Variants in CHKA observed in about 807,000 individuals in gnomAD.
CHKA encodes choline kinase alpha, also known as CHETK-alpha.
In CHKA, 34 loss-of-function variants were observed where a neutral mutation model predicts 60.1. That is an observed-to-expected ratio of 0.57 (90% CI 0.43 to 0.75). CHKA has a LOEUF of 0.75. Among genes scored for constraint, CHKA ranks in the 30% least tolerant of loss-of-function variants. The pLI is 0.00. For synonymous variants in CHKA, 217 were observed against 223.1 expected (o/e 0.97, Z 0.24); for missense variants, 563 against 561.3 (o/e 1.00, Z -0.03).
At chr11:68,119,131 C>T (rs1858505037) in intron 1 of CHKA, among the ~76,000 whole-genome samples, 1 of 152,098 alleles carries the variant, frequency 6.6e-6, no homozygotes, top group Admixed American at 6.6e-5. Flanking sequence ...TAAAGTAAAC[C>T]TTGGAGAGAG....
rs181782719 is a variant in CHKA, at chr11:68,072,591, C to T, written c.631-1734G>A. Among the ~76,000 whole-genome samples, 131 of 147,572 alleles carry T rather than the reference C, an allele frequency of 8.9e-4. 2 individuals are homozygous for T. The East Asian group carries it at 0.021, about 24-fold the overall frequency. ...AAAAAGCAAATCTAGAAATAACATA[C>T]GGTATTAGGTTGAATCAAATGAAAC... On this transcript the variant is annotated intron_variant, in intron 4 of 11. Transcript: ENST00000265689.
chr11:68,067,777 C>G (rs1281629785), intron 7 of CHKA, among the ~76,000 whole-genome samples: 13 of 152,186 alleles, frequency 8.5e-5, no homozygotes, highest in Admixed American at 8.5e-4. Context: ...GGGTAATACA[C>G]AAAGCTGTAG....
intron 3 of CHKA, 46 bp downstream of exon 3, chr11:68,081,358 C>A: frequency 6.5e-7 from 1 of 1,528,438 alleles, no homozygotes; most frequent in Non-Finnish European, 9.1e-7. Context: ...GGGTGGCTAA[C>A]ACTAGTTCAC....
intron 1 of CHKA, 165 bp downstream of exon 1, chr11:68,120,663 A>C (rs970233430): frequency 4.2e-6 from 1 of 240,950 alleles, no homozygotes; most frequent in Admixed American, 5.8e-5. Context: ...GGGCTGGGAG[A>C]AGGAGGGCTT....
intron 2 of CHKA, among the ~76,000 whole-genome samples, chr11:68,088,358 G>A (rs1857253233): frequency 1.3e-5 from 2 of 152,110 alleles, no homozygotes; most frequent in Non-Finnish European, 2.9e-5. Context: ...GGAGTGGCAT[G>A]AACTTCTTTA....
rs571421307 is a variant in CHKA, at chr11:68,060,317, C to A, written c.1314+1636G>T. On this transcript the variant is annotated intron_variant, in intron 11 of 11. Coordinates refer to ENST00000265689, the MANE Select transcript of CHKA (RefSeq NM_001277.3). Reference sequence around the variant, plus strand: ...AAAGTTCTGGGATTACAGGCATGGGCCACCGCACCCGGCCAGAGTTTCATT... The same window carrying A: ...AAAGTTCTGGGATTACAGGCATGGGACACCGCACCCGGCCAGAGTTTCATT... Among the ~76,000 whole-genome samples, 3 of 151,156 alleles carry A rather than the reference C, an allele frequency of 2.0e-5. No homozygotes were observed. In the South Asian group the frequency reaches 6.3e-4, roughly 32 times the overall value.
chr11:68,059,539 TA>T (rs1856145901), intron 11 of CHKA, among the ~76,000 whole-genome samples: 1 of 152,244 alleles, frequency 6.6e-6, no homozygotes, highest in Non-Finnish European at 1.5e-5. Flanking sequence ...TACAAAGCCG[TA>T]AGTTTCTAGA....
intron 3 of CHKA, among the ~76,000 whole-genome samples, chr11:68,079,494 T>C (rs1399768194): frequency 6.6e-6 from 1 of 152,124 alleles, no homozygotes; most frequent in African/African-American, 2.4e-5. Context: ...CACGCCTGGC[T>C]AATTTTTTTT....
rs1334521190 is a variant in CHKA at position 68,069,447 on chromosome 11, G to A, written c.870-510C>T. ...CGCGCCTGTAATCCTAGCACTTTGGGAGGCCGAGGTGGGCCGATCACGAGG... is the reference window on the plus strand; with the variant it reads ...CGCGCCTGTAATCCTAGCACTTTGGAAGGCCGAGGTGGGCCGATCACGAGG... On this transcript the variant is annotated intron_variant, in intron 6 of 11. Coordinates refer to ENST00000265689, the MANE Select transcript of CHKA (RefSeq NM_001277.3). Among the ~76,000 whole-genome samples the A allele has an allele frequency of 3.9e-5, 6 of 152,236 alleles. No homozygotes were observed. The East Asian group carries it at 7.7e-4, about 20-fold the overall frequency.
chr11:68,098,271 C>CAAAAAAAAAAA (rs57972693), intron 1 of CHKA, among the ~76,000 whole-genome samples: 4 of 120,718 alleles, frequency 3.3e-5, no homozygotes, highest in Admixed American at 8.6e-5. Flanking sequence ...ACTCCTATCT[C>CAAAAAAAAAAA]AAAAAAAAAA....
intron 1 of CHKA, among the ~76,000 whole-genome samples, chr11:68,119,151 T>A (rs1858508655): frequency 6.6e-6 from 1 of 152,240 alleles, no homozygotes; most frequent in Non-Finnish European, 1.5e-5. Context: ...GCTGAATTTT[T>A]TTTAAGTGCC....
rs1858625509 is a variant in CHKA, at chr11:68,121,013, G to C, written c.165C>G (p.Leu55=). ...GCAGCGGCGGCGGAGGGGGCAGCGCGAGCGGCGGCTGTTGGCCGCCCAGCT... is the reference window on the plus strand; with the variant it reads ...GCAGCGGCGGCGGAGGGGGCAGCGCCAGCGGCGGCTGTTGGCCGCCCAGCT... ...SKQLGGQQPP[L]ALPPPPPLPL... Residue 55 remains leucine, a synonymous_variant, in exon 1 of 12, where the codon CTC becomes CTG. Transcript: ENST00000265689. 4.0e-5 allele frequency: 44 copies of C among 1,111,322 alleles called. No homozygotes were observed. The highest frequency in any genetic ancestry group is 4.7e-5 in the Non-Finnish European group (43 of 911,374). 68.8% of individuals were successfully genotyped at this position (1,111,322 alleles called of 1,614,324 possible). A position where few individuals can be genotyped will look rare whatever the true frequency, so the allele number is the denominator to read the frequency against.
intron 1 of CHKA, among the ~76,000 whole-genome samples, chr11:68,104,285 T>C (rs992509274): frequency 2.6e-5 from 4 of 152,078 alleles, no homozygotes; most frequent in South Asian, 2.1e-4. Flanking sequence ...CTAAAAAAGT[T>C]GATCTCATAG....
chr11:68,068,697 C>T (rs1856521274), intron 7 of CHKA, among the ~76,000 whole-genome samples, 182 bp downstream of exon 7: 1 of 152,154 alleles, frequency 6.6e-6, no homozygotes, highest in Admixed American at 6.5e-5. Context: ...GGATTACAGA[C>T]ATGAGACATT....
intron 10 of CHKA, 91 bp from the exon 11 acceptor site, chr11:68,062,125 C>T (rs761466150): frequency 2.8e-4 from 259 of 922,560 alleles, no homozygotes; most frequent in Admixed American, 1.4e-3. Context: ...GACATTTTAA[C>T]TTGTGTGGAT....
At chr11:68,099,849 A>G (rs189844091) in intron 1 of CHKA, among the ~76,000 whole-genome samples, 52 of 152,334 alleles carry the variant, frequency 3.4e-4, no homozygotes, top group African/African-American at 1.2e-3. Context: ...AACCTGATTC[A>G]AAGTTTACCC....
Position 68,064,527 on chromosome 11 carries a change from A to G in CHKA, c.1230T>C (p.Asn410=), listed in dbSNP as rs756369821. ...IIKEEMLLEV[N]RFALASHFLW... ...AATCAAAAAAGGAAAAATGTTACCT[A>G]TTAACTTCAAGCAACATTTCTTCTT... is the stretch of plus-strand genomic sequence containing the variant. Residue 410 remains asparagine (N), a splice_region_variant and synonymous_variant, in exon 10 of 12, where the codon AAT becomes AAC. Coordinates refer to ENST00000265689, the MANE Select transcript of CHKA (RefSeq NM_001277.3). The G allele has an allele frequency of 1.3e-6, 2 of 1,501,636 alleles. No homozygotes were observed. The highest frequency in any genetic ancestry group is 4.6e-5 in the East Asian group (2 of 43,382). The allele number at this position is 1,501,636 out of a possible 1,614,324, so 93.0% of individuals were successfully genotyped here.
rs1858630738 is a variant in CHKA, at chr11:68,121,111, C to G, written c.67G>C (p.Gly23Arg). ...GGCGCCGGGGCCGCGCTGCCGCTAC[C>G]GCAGCTCAGCAGCAGCCCGAGCGGC... ...PSPLGLLLSC[G>R]SGSAAPAPGV... Residue 23 changes from glycine to arginine, a missense_variant, in exon 1 of 12, where the codon GGT becomes CGT. Transcript: ENST00000265689. The G allele has an allele frequency of 8.5e-7, 1 of 1,176,736 alleles. No individual in the cohort carries two copies. Among genetic ancestry groups the G allele is most frequent in the Non-Finnish European group, 1.1e-6 (1 of 950,462 alleles). The allele number at this position is 1,176,736 out of a possible 1,614,324, so 72.9% of individuals were successfully genotyped here. A position where few individuals can be genotyped will look rare whatever the true frequency, so the allele number is the denominator to read the frequency against.
chr11:68,079,372 C>T (rs1446183660), intron 3 of CHKA, among the ~76,000 whole-genome samples: 1 of 152,032 alleles, frequency 6.6e-6, no homozygotes, highest in African/African-American at 2.4e-5. Context: ...CACTGTCGCC[C>T]AGGCTGGAGT....
Sources: allele counts gnomAD v4.1 joint callset (sites outside exome capture counted in the v4.1 genomes callset), GRCh38; gene constraint gnomAD v4.1.1; transcripts MANE v1.5; gene names NCBI Gene and HGNC (gene_info 2026-07-23, HGNC 2026-07-21).